The following UBR3 variants were observed in gnomAD, a reference collection of about 807,000 sequenced individuals.
UBR3 encodes the protein ubiquitin protein ligase E3 component n-recognin 3.
A neutral mutation model predicts 243.2 loss-of-function variants in UBR3; 85 were observed. The observed-to-expected ratio is 0.35, with a 90% CI of 0.29 to 0.42. UBR3 has a LOEUF of 0.42. Ranked by LOEUF, UBR3 falls within the 10% of genes least tolerant of loss-of-function variation. UBR3 has a pLI of 1.00. For synonymous variants in UBR3, 748 were observed against 799.8 expected (o/e 0.94, Z 1.09); for missense variants, 1,686 against 2,300.8 (o/e 0.73, Z 5.47).
chr2:169,831,803 T>C (rs1368016298), intron 1 of UBR3, among the ~76,000 whole-genome samples: 5 of 152,218 alleles, frequency 3.3e-5, no homozygotes, highest in Admixed American at 2.0e-4. Context: ...GTTTGAACTT[T>C]TCTAAGTTTT....
At chr2:169,854,606 G>A (rs1486660108) in intron 1 of UBR3, among the ~76,000 whole-genome samples, 1 of 151,988 alleles carries the variant, frequency 6.6e-6, no homozygotes, top group Non-Finnish European at 1.5e-5. Context: ...TACATACACA[G>A]GAGAGAGTTT....
At chr2:169,952,672 C>T (rs982761893) in intron 23 of UBR3, among the ~76,000 whole-genome samples, 3 of 151,270 alleles carry the variant, frequency 2.0e-5, no homozygotes, top group Middle Eastern at 3.4e-3. Context: ...TCCAGCCTGG[C>T]GACAGAATGA....
chr2:169,863,714 T>A (rs1406038435), intron 1 of UBR3, among the ~76,000 whole-genome samples: 4 of 152,230 alleles, frequency 2.6e-5, no homozygotes, highest in African/African-American at 9.6e-5. Context: ...ATTTTACTGG[T>A]GTCTTTTGGT....
At chr2:169,881,149 T>G (rs745396451) in intron 5 of UBR3, among the ~76,000 whole-genome samples, 6 of 152,184 alleles carry the variant, frequency 3.9e-5, no homozygotes, top group Non-Finnish European at 8.8e-5. Context: ...TTAATACATT[T>G]AAGTAGTTTA....
At chr2:169,945,313 T>C (rs999072965) in intron 20 of UBR3, among the ~76,000 whole-genome samples, 25 of 152,162 alleles carry the variant, frequency 1.6e-4, no homozygotes, top group Non-Finnish European at 2.5e-4. Flanking sequence ...TGAATGCCTA[T>C]GCTCTTCACC....
intron 1 of UBR3, among the ~76,000 whole-genome samples, chr2:169,844,110 G>T (rs1559010352): frequency 6.7e-6 from 1 of 148,252 alleles, no homozygotes; most frequent in Non-Finnish European, 1.5e-5. Context: ...GGGTTCAGTT[G>T]ATTCTCCTGC....
At chr2:169,852,163 C>T (rs1162309021) in intron 1 of UBR3, among the ~76,000 whole-genome samples, 3 of 152,168 alleles carry the variant, frequency 2.0e-5, no homozygotes, top group Non-Finnish European at 1.5e-5. Context: ...ACCAACTCTT[C>T]ATTTTATAGT....
intron 31 of UBR3, among the ~76,000 whole-genome samples, chr2:170,033,602 TG>T (rs2090743705): frequency 9.7e-6 from 1 of 103,194 alleles, no homozygotes; most frequent in Non-Finnish European, 1.8e-5. Context: ...CCCCAATATT[TG>T]CTCTCATTTT....
intron 38 of UBR3, 112 bp downstream of exon 38, chr2:170,080,796 C>G: frequency 3.3e-6 from 4 of 1,202,684 alleles, no homozygotes; most frequent in South Asian, 3.5e-5. Context: ...GAAATTCTGA[C>G]AGTCATTAAT....
chr2:170,034,012 GGTTT>G (rs2090756318), intron 31 of UBR3, among the ~76,000 whole-genome samples: 1 of 72,938 alleles, frequency 1.4e-5, no homozygotes, highest in South Asian at 6.7e-4. Context: ...TAAAGACTTT[GGTTT>G]GTTTTTTTTT....
At chr2:169,864,957 A>G (rs1360095874) in intron 1 of UBR3, among the ~76,000 whole-genome samples, 2 of 150,990 alleles carry the variant, frequency 1.3e-5, no homozygotes, top group Non-Finnish European at 2.9e-5. Flanking sequence ...GTCATGGCAC[A>G]TGCCTGTAAT....
chr2:169,924,058 A>G, intron 12 of UBR3, 26 bp from the exon 13 acceptor site: 1 of 1,527,316 alleles, frequency 6.5e-7, no homozygotes, highest in African/African-American at 1.4e-5. Context: ...GAATTGAATT[A>G]GTAACTTTTT....
chr2:170,021,525 C>T (rs767822790), intron 30 of UBR3, among the ~76,000 whole-genome samples: 3 of 152,110 alleles, frequency 2.0e-5, no homozygotes, highest in Non-Finnish European at 1.5e-5. Context: ...AGGGCTTCCT[C>T]GTGACCTAAT....
chr2:169,998,676 T>G (rs575127142), intron 26 of UBR3, among the ~76,000 whole-genome samples: 2 of 152,294 alleles, frequency 1.3e-5, no homozygotes, highest in Admixed American at 6.5e-5. Context: ...TGATATTGAT[T>G]ATAGGATTAA....
At chr2:169,958,925 C>G (rs2087437875) in intron 24 of UBR3, among the ~76,000 whole-genome samples, 1 of 152,124 alleles carries the variant, frequency 6.6e-6, no homozygotes, top group African/African-American at 2.4e-5. Context: ...TTCTTAAAAT[C>G]AGGTGAACTT....
chr2:170,079,212 A>G (rs16857610), intron 36 of UBR3, among the ~76,000 whole-genome samples: 21,594 of 152,212 alleles, frequency 0.14, 2,056 homozygotes, highest in East Asian at 0.44. Flanking sequence ...GGGAAATTTA[A>G]CTAATTTGAC....
At chr2:169,890,992 A>G (rs1352599246) in intron 5 of UBR3, among the ~76,000 whole-genome samples, 173 bp from the exon 6 acceptor site, 1 of 151,368 alleles carries the variant, frequency 6.6e-6, no homozygotes, top group African/African-American at 2.4e-5. Flanking sequence ...ATTTCACTGT[A>G]TTTTAAAATC....
At chr2:169,890,571 A>ATATATATT (rs61662738) in intron 5 of UBR3, among the ~76,000 whole-genome samples, 4 of 104,998 alleles carry the variant, frequency 3.8e-5, no homozygotes, top group South Asian at 3.1e-4. Flanking sequence ...ATATGTGTAT[A>ATATATATT]TATATATATG....
intron 24 of UBR3, among the ~76,000 whole-genome samples, chr2:169,981,196 G>C (rs1245998511): frequency 6.6e-6 from 1 of 152,112 alleles, no homozygotes; most frequent in Non-Finnish European, 1.5e-5. Context: ...CCCTCAAGGA[G>C]GTGGAATATA....
Sources: gnomAD v4.1 joint callset for allele counts (sites outside exome capture counted in the v4.1 genomes callset) on GRCh38, gnomAD v4.1.1 for gene constraint, MANE v1.5 for transcripts, NCBI Gene and HGNC (gene_info 2026-07-23, HGNC 2026-07-21) for gene names.